APBB2: variants seen among roughly 807,000 people sequenced by gnomAD.
APBB2 encodes amyloid beta precursor protein binding family B member 2.
A neutral mutation model predicts 82.5 loss-of-function variants in APBB2; 38 were observed. The ratio of observed to expected loss-of-function variants is 0.46; its 90% CI spans 0.36 to 0.60. APBB2 has a LOEUF of 0.60. APBB2 is among the 20% of genes least tolerant of loss of function. The pLI is 0.00. For missense variants in APBB2, 772 were observed against 972.3 expected (o/e 0.79, Z 2.74); for synonymous variants, 341 against 368.2 (o/e 0.93, Z 0.85).
At chr4:40,900,629 G>C (rs1165643815) in intron 10 of APBB2, among the ~76,000 whole-genome samples, 4 of 151,740 alleles carry the variant, frequency 2.6e-5, no homozygotes, top group Non-Finnish European at 5.9e-5. Context: ...CTAATTTTCT[G>C]TATTTTTAGT....
intron 1 of APBB2, among the ~76,000 whole-genome samples, chr4:41,161,426 G>A (rs1407989401): frequency 6.6e-6 from 1 of 152,068 alleles, no homozygotes; most frequent in African/African-American, 2.4e-5. Flanking sequence ...GGGCAAGATG[G>A]CGAAACTCTT....
intron 1 of APBB2, among the ~76,000 whole-genome samples, chr4:41,161,735 A>C (rs535703685): frequency 6.6e-6 from 1 of 152,342 alleles, no homozygotes; most frequent in African/African-American, 2.4e-5. Flanking sequence ...AGTGGCTCCA[A>C]GTCACACAGG....
chr4:40,857,934 G>A (rs1440308340), intron 12 of APBB2, among the ~76,000 whole-genome samples: 1 of 152,156 alleles, frequency 6.6e-6, no homozygotes, highest in Non-Finnish European at 1.5e-5. Context: ...TCAAGAGGCA[G>A]AAAATTCTGA....
intron 5 of APBB2, among the ~76,000 whole-genome samples, chr4:41,024,949 C>G (rs1713344252): frequency 6.6e-6 from 1 of 152,244 alleles, no homozygotes; most frequent in Admixed American, 6.5e-5. Flanking sequence ...TGTTCTGCCT[C>G]TGTATCCTTG....
At chr4:40,980,529 AACT>A (rs1434785259) in intron 6 of APBB2, among the ~76,000 whole-genome samples, 2 of 458 alleles carry the variant, frequency 4.4e-3, no homozygotes, top group South Asian at 0.056. Flanking sequence ...CTGCAGAGCC[AACT>A]GCAGAGCCAA....
intron 12 of APBB2, among the ~76,000 whole-genome samples, chr4:40,844,724 C>G (rs941082618): frequency 6.6e-6 from 1 of 152,216 alleles, no homozygotes; most frequent in Non-Finnish European, 1.5e-5. Context: ...GAATCCACAG[C>G]TGGGTAACAT....
chr4:40,907,367 ATATATATATATATTTTTT>A (rs1272418324), intron 10 of APBB2, among the ~76,000 whole-genome samples: 1,965 of 71,318 alleles, frequency 0.028, 47 homozygotes, highest in African/African-American at 0.13. Context: ...ATATATATAT[ATATATATATATATTTTTT>A]TTTTTTTTTT....
intron 2 of APBB2, among the ~76,000 whole-genome samples, chr4:41,129,536 G>C (rs1755367741): frequency 6.6e-6 from 1 of 152,190 alleles, no homozygotes; most frequent in Non-Finnish European, 1.5e-5. Context: ...CATTGTATTA[G>C]ATCAACAGGC....
intron 1 of APBB2, among the ~76,000 whole-genome samples, chr4:41,195,062 T>C: frequency 6.6e-6 from 1 of 152,112 alleles, no homozygotes; most frequent in African/African-American, 2.4e-5. Flanking sequence ...TTGCTAGCTC[T>C]TCCTCATCTG....
chr4:41,121,485 C>A (rs867350660), intron 2 of APBB2, among the ~76,000 whole-genome samples: 1 of 152,228 alleles, frequency 6.6e-6, no homozygotes, highest in Non-Finnish European at 1.5e-5. Flanking sequence ...CTCATGCGTG[C>A]GCATCTGTGG....
intron 1 of APBB2, among the ~76,000 whole-genome samples, chr4:41,180,375 C>T (rs1036565401): frequency 8.6e-5 from 13 of 151,948 alleles, no homozygotes; most frequent in Admixed American, 4.6e-4. Context: ...GAGGGGGAGA[C>T]GGGAGGACTG....
At chr4:41,092,712 G>A (rs1307986933) in intron 3 of APBB2, among the ~76,000 whole-genome samples, 13 of 150,278 alleles carry the variant, frequency 8.7e-5, no homozygotes, top group Admixed American at 6.6e-5. Flanking sequence ...AAAAGTACTT[G>A]GTCTGAATAG....
At chr4:41,186,544 A>G (rs1408765601) in intron 1 of APBB2, among the ~76,000 whole-genome samples, 1 of 152,042 alleles carries the variant, frequency 6.6e-6, no homozygotes, top group Non-Finnish European at 1.5e-5. Context: ...CAACTGTTTC[A>G]CTCAAAAAAA....
intron 2 of APBB2, among the ~76,000 whole-genome samples, chr4:41,121,182 C>T (rs1307606014): frequency 1.3e-5 from 2 of 152,166 alleles, no homozygotes; most frequent in African/African-American, 4.8e-5. Context: ...TTTTTAATGT[C>T]CTGCTTACTG....
chr4:41,192,782 CA>C (rs1029534262), intron 1 of APBB2, among the ~76,000 whole-genome samples: 6 of 151,626 alleles, frequency 4.0e-5, no homozygotes, highest in Admixed American at 1.3e-4. Flanking sequence ...AAAAACAAAA[CA>C]AAAAAAATGG....
At chr4:41,112,977 ACT>A (rs956992359) in intron 2 of APBB2, among the ~76,000 whole-genome samples, 39 of 150,602 alleles carry the variant, frequency 2.6e-4, no homozygotes, top group African/African-American at 9.4e-4. Flanking sequence ...ACAGAGCGAG[ACT>A]CTGTCTCAAA....
chr4:40,876,681 C>A (rs188838744), intron 12 of APBB2, among the ~76,000 whole-genome samples: 13 of 152,214 alleles, frequency 8.5e-5, no homozygotes, highest in African/African-American at 3.1e-4. Flanking sequence ...TAATACAATG[C>A]AAAACTATGT....
At chr4:41,196,426 T>C in intron 1 of APBB2, among the ~76,000 whole-genome samples, 1 of 152,140 alleles carries the variant, frequency 6.6e-6, no homozygotes. Context: ...CAGCCACTTA[T>C]TATCGCAAAG....
At chr4:41,065,965 G>T (rs923009911) in intron 3 of APBB2, among the ~76,000 whole-genome samples, 2 of 151,984 alleles carry the variant, frequency 1.3e-5, no homozygotes, top group Non-Finnish European at 2.9e-5. Flanking sequence ...AAAAGTCCAG[G>T]CAATCTCACC....
Sources: allele counts gnomAD v4.1 joint callset (sites outside exome capture counted in the v4.1 genomes callset), GRCh38; gene constraint gnomAD v4.1.1; transcripts MANE v1.5; gene names NCBI Gene and HGNC (gene_info 2026-07-23, HGNC 2026-07-21).